The following CTDP1 variants were observed in gnomAD, a reference collection of about 807,000 sequenced individuals.
CTDP1 encodes RNA polymerase II subunit A C-terminal domain phosphatase.
Under a neutral mutation model 91.8 loss-of-function variants are expected in CTDP1, and 47 were observed. The observed-to-expected ratio is 0.51, with a 90% confidence interval of 0.41 to 0.65. The LOEUF (loss-of-function observed/expected upper bound fraction) is 0.65. Ranked by LOEUF, CTDP1 falls within the 30% of genes least tolerant of loss-of-function variation. CTDP1 has a pLI of 0.00. For synonymous variants in CTDP1, 656 were observed against 598.5 expected, an observed-to-expected ratio of 1.10 and a Z score of -1.40; for missense variants, 1,272 against 1,373.7, an observed-to-expected ratio of 0.93 and a Z score of 1.17.
intron 10 of CTDP1, among the ~76,000 whole-genome samples, chr18:79,719,903 C>G (rs1049370155): frequency 6.9e-6 from 1 of 144,042 alleles, no homozygotes; most frequent in Non-Finnish European, 1.5e-5. Flanking sequence ...ATGATGTCAC[C>G]TCCCATCGTG....
At chr18:79,685,656 G>A (rs948235585) in intron 1 of CTDP1, 2 of 152,200 alleles carry the variant, frequency 1.3e-5, no homozygotes, top group Non-Finnish European at 2.9e-5. Context: ...CTGAGAAATA[G>A]TAATACAGTT....
chr18:79,711,919 G>A (rs1568191789), intron 6 of CTDP1, among the ~76,000 whole-genome samples: 1 of 109,900 alleles, frequency 9.1e-6, no homozygotes, highest in Admixed American at 9.8e-5. Flanking sequence ...CACCATGTCA[G>A]GTGTGGCTTG....
chr18:79,724,340 T>C (rs1568204262), intron 10 of CTDP1, among the ~76,000 whole-genome samples: 1 of 152,262 alleles, frequency 6.6e-6, no homozygotes, highest in African/African-American at 2.4e-5. Context: ...CAGTGGTAGA[T>C]ACAGTTGCTA....
In CTDP1 at chr18:79,716,872, GC is replaced by G. The variant is rs368285396; in HGVS notation, c.2069-660del. Among the ~76,000 whole-genome samples, 622 of 152,390 alleles carry G rather than the reference GC, an allele frequency of 4.1e-3. 9 individuals carry two copies. The highest frequency in any genetic ancestry group is 0.014 in the African/African-American group (570 of 41,600). On this transcript the variant is annotated intron_variant, in intron 8 of 12. Transcript: ENST00000613122. ...TCCTGCTGCTCAGGTCACCCGCTGT[GC>G]CCGGCTCCCCGTCTGAGATCCACCC...
chr18:79,753,731 A>G lies in CTDP1; in HGVS notation c.2827A>G (p.Ser943Gly). The G allele has an allele frequency of 6.2e-7, 1 of 1,614,030 alleles. No individual in the cohort carries two copies. Among genetic ancestry groups the G allele is most frequent in the Non-Finnish European group, 8.5e-7 (1 of 1,179,974 alleles). Residue 943 changes from serine (S) to glycine (G), a missense_variant, in exon 13 of 13, where the codon AGC (serine) becomes GGC (glycine). By Grantham distance (56) the Ser-to-Gly change is moderately conservative (BLOSUM62 0). Transcript: ENST00000613122. Reference sequence around the variant, plus strand: ...GTCCAGCAACGAGGATGAGGGCAGCAGCTCCGAGGCCGACGAGATGGCCAA... The same window carrying G: ...GTCCAGCAACGAGGATGAGGGCAGCGGCTCCGAGGCCGACGAGATGGCCAA... ...RESSNEDEGS[S>G]SEADEMAKAL...
intron 3 of CTDP1, among the ~76,000 whole-genome samples, chr18:79,697,189 C>T (rs1599216337): frequency 6.6e-6 from 1 of 152,226 alleles, no homozygotes; most frequent in East Asian, 1.9e-4. Flanking sequence ...CGTGCGTTTC[C>T]CTTCGGGGAT....
upstream of CTDP1, chr18:79,678,162 A>G (rs2085277146): frequency 6.6e-6 from 1 of 152,228 alleles, no homozygotes; most frequent in African/African-American, 2.4e-5. Flanking sequence ...AATGGTTTTG[A>G]GAAAAGAGAA....
intron 1 of CTDP1, among the ~76,000 whole-genome samples, chr18:79,694,588 T>G (rs1174391458): frequency 6.7e-6 from 1 of 149,354 alleles, no homozygotes; most frequent in Non-Finnish European, 1.5e-5. Flanking sequence ...TGGTCTCATG[T>G]TCGCAGGGTG....
chr18:79,714,213 G>T (rs915663156), intron 7 of CTDP1, among the ~76,000 whole-genome samples: 1 of 152,140 alleles, frequency 6.6e-6, no homozygotes, highest in Non-Finnish European at 1.5e-5. Flanking sequence ...ACTCATTAGG[G>T]TATTTTGGAT....
chr18:79,728,071 C>T (rs1350314586), intron 10 of CTDP1, among the ~76,000 whole-genome samples: 5 of 152,088 alleles, frequency 3.3e-5, no homozygotes, highest in African/African-American at 1.2e-4. Context: ...TTTAACTATA[C>T]AAGCACAAGA....
At chr18:79,690,208 C>T (rs111327840) in intron 1 of CTDP1, among the ~76,000 whole-genome samples, 2,913 of 152,300 alleles carry the variant, frequency 0.019, 100 homozygotes, top group African/African-American at 0.065. Context: ...GAGGTGATGG[C>T]GTCCATGGTC....
intron 6 of CTDP1, among the ~76,000 whole-genome samples, chr18:79,711,249 G>A (rs1340702256): frequency 6.6e-6 from 1 of 152,170 alleles, no homozygotes; most frequent in Non-Finnish European, 1.5e-5. Context: ...AACCAACCCT[G>A]GCATATGTGA....
intron 12 of CTDP1, among the ~76,000 whole-genome samples, 198 bp downstream of exon 12, chr18:79,736,719 G>T (rs1246115492): frequency 6.7e-6 from 1 of 148,924 alleles, no homozygotes; most frequent in East Asian, 2.0e-4. Flanking sequence ...TCTTACATGT[G>T]TGCAGGCGTG....
chr18:79,732,536 TCAGGA>T (rs1192734850), intron 11 of CTDP1, among the ~76,000 whole-genome samples: 7 of 122,236 alleles, frequency 5.7e-5, no homozygotes, highest in African/African-American at 2.4e-4. Flanking sequence ...AGAACTCACA[TCAGGA>T]GTGCTCCCAA....
chr18:79,721,479 T>TA (rs1399205459), intron 10 of CTDP1, among the ~76,000 whole-genome samples: 3 of 152,196 alleles, frequency 2.0e-5, no homozygotes, highest in East Asian at 1.9e-4. Flanking sequence ...GCAGGACAGA[T>TA]ACGTGCACTG....
chr18:79,728,876 C>G (rs2086506212), intron 10 of CTDP1, 31 bp from the exon 11 acceptor site: 7 of 1,612,658 alleles, frequency 4.3e-6, no homozygotes, highest in Admixed American at 1.7e-5. Flanking sequence ...AACTGACCTT[C>G]CTCATGTGGG....
chr18:79,740,425 T>G (rs1307938399), intron 12 of CTDP1, among the ~76,000 whole-genome samples: 4 of 152,248 alleles, frequency 2.6e-5, no homozygotes, highest in Non-Finnish European at 5.9e-5. Context: ...CAGTTTTATT[T>G]CATTCCTGTT....
Position 79,689,352 on chromosome 18 carries a change from C to T in CTDP1, c.315-5873C>T, listed in dbSNP as rs553391833. Among the ~76,000 whole-genome samples, 21 of 152,306 alleles carry T rather than the reference C, an allele frequency of 1.4e-4. 1 individual carries two copies. Among genetic ancestry groups the T allele is most frequent in the Admixed American group, 5.2e-4 (8 of 15,302 alleles). On this transcript the variant is annotated intron_variant, in intron 1 of 12. Coordinates refer to ENST00000613122, the MANE Select transcript of CTDP1 (RefSeq NM_004715.5). Reference sequence around the variant, plus strand: ...GAGATACTTTGTTACCACATAAATACATTTGCACCAAGCTGACCCACATTT... The same window carrying T: ...GAGATACTTTGTTACCACATAAATATATTTGCACCAAGCTGACCCACATTT...
Position 79,754,008 on chromosome 18 carries a change from G to A in CTDP1, c.*218G>A. 1 of 659,404 alleles carries A rather than the reference G, an allele frequency of 1.5e-6. No homozygotes were observed. The highest frequency in any genetic ancestry group is 3.0e-5 in the East Asian group (1 of 33,108). The allele number at this position is 659,404 out of a possible 1,614,324, so 40.8% of individuals were successfully genotyped here. A position where few individuals can be genotyped will look rare whatever the true frequency, so the allele number is the denominator to read the frequency against. On this transcript the variant is annotated 3_prime_UTR_variant, in exon 13 of 13. Coordinates refer to ENST00000613122, the MANE Select transcript of CTDP1 (RefSeq NM_004715.5). Reference sequence around the variant, plus strand: ...CTTTTGTAAGTGACAGGTGTTAAAGGCCCAGGTGTGCTGTGCCAAAGAGCT... The same window carrying A: ...CTTTTGTAAGTGACAGGTGTTAAAGACCCAGGTGTGCTGTGCCAAAGAGCT...
Sources: allele counts gnomAD v4.1 joint callset (sites outside exome capture counted in the v4.1 genomes callset), GRCh38; gene constraint gnomAD v4.1.1; transcripts MANE v1.5; gene names NCBI Gene and HGNC (gene_info 2026-07-23, HGNC 2026-07-21).